The following CPT1A variants were observed in gnomAD, a reference collection of about 807,000 sequenced individuals.
The protein encoded by CPT1A is carnitine palmitoyltransferase 1A.
Under a neutral mutation model 100.8 loss-of-function variants are expected in CPT1A, and 64 were observed. The ratio of observed to expected loss-of-function variants is 0.63; its 90% CI spans 0.52 to 0.78. The LOEUF is 0.78. CPT1A is among the 30% of genes least tolerant of loss of function. The probability of loss-of-function intolerance (pLI) is 0.00; values close to 1 mark genes in which losing one functional copy is unlikely to be tolerated. For synonymous variants in CPT1A, 363 were observed against 396.0 expected, an observed-to-expected ratio of 0.92 and a Z score of 0.99; for missense variants, 802 against 1,034.1, an observed-to-expected ratio of 0.78 and a Z score of 3.08.
intron 9 of CPT1A, among the ~76,000 whole-genome samples, chr11:68,791,894 T>C (rs1487026374): frequency 6.6e-6 from 1 of 152,056 alleles, no homozygotes; most frequent in Non-Finnish European, 1.5e-5. Flanking sequence ...GAGAATCTGC[T>C]TAGGAAAGCC....
intron 12 of CPT1A, among the ~76,000 whole-genome samples, chr11:68,777,285 C>T (rs1320424445): frequency 6.6e-6 from 1 of 151,862 alleles, no homozygotes; most frequent in Non-Finnish European, 1.5e-5. Flanking sequence ...CAAAAATCAG[C>T]TGGGCGTGGT....
At chr11:68,838,304 A>G (rs1317689524) in intron 1 of CPT1A, among the ~76,000 whole-genome samples, 2 of 152,048 alleles carry the variant, frequency 1.3e-5, no homozygotes, top group African/African-American at 4.8e-5. Context: ...TGAGGCCGTC[A>G]AGATACCCAA....
chr11:68,827,425 G>T (rs375989452), intron 1 of CPT1A, among the ~76,000 whole-genome samples: 3 of 152,040 alleles, frequency 2.0e-5, no homozygotes, highest in African/African-American at 7.3e-5. Flanking sequence ...TAAGATAACC[G>T]CAAACACACA....
intron 7 of CPT1A, among the ~76,000 whole-genome samples, chr11:68,795,201 C>T (rs117888240): frequency 3.2e-4 from 49 of 152,212 alleles, no homozygotes; most frequent in Admixed American, 1.7e-3. Flanking sequence ...AAAAATTAGT[C>T]GGGGAGCAAT....
At chr11:68,801,389 G>C (rs1203042392) in intron 5 of CPT1A, among the ~76,000 whole-genome samples, 6 of 152,000 alleles carry the variant, frequency 3.9e-5, no homozygotes. Context: ...CAGTACTTTG[G>C]GAGGCCAAGG....
chr11:68,765,626 T>C (rs1854777086), intron 14 of CPT1A, among the ~76,000 whole-genome samples: 1 of 152,220 alleles, frequency 6.6e-6, no homozygotes, highest in Non-Finnish European at 1.5e-5. Context: ...AAATAACTGC[T>C]GCAGACTAGA....
chr11:68,833,602 C>T (rs1856935431), intron 1 of CPT1A, among the ~76,000 whole-genome samples: 1 of 152,138 alleles, frequency 6.6e-6, no homozygotes, highest in Non-Finnish European at 1.5e-5. Flanking sequence ...ACTAAAAATA[C>T]AAAACATTAG....
intron 14 of CPT1A, among the ~76,000 whole-genome samples, chr11:68,769,727 G>C (rs771299076): frequency 6.6e-6 from 1 of 152,168 alleles, no homozygotes; most frequent in Non-Finnish European, 1.5e-5. Flanking sequence ...TGAAGCCCCT[G>C]CCTGACCTCT....
At chr11:68,767,189 A>G (rs948322373) in intron 14 of CPT1A, among the ~76,000 whole-genome samples, 1 of 152,272 alleles carries the variant, frequency 6.6e-6, no homozygotes, top group African/African-American at 2.4e-5. Flanking sequence ...AACAAAAATG[A>G]AAACAAAAAC....
intron 7 of CPT1A, 40 bp downstream of exon 7, chr11:68,796,816 A>G (rs751327920): frequency 1.8e-5 from 29 of 1,601,086 alleles, no homozygotes; most frequent in Non-Finnish European, 2.5e-5. Context: ...CCGCCGCCCC[A>G]CCGTCCTCGT....
At chr11:68,805,257 C>A (rs963573531) in intron 4 of CPT1A, among the ~76,000 whole-genome samples, 2 of 152,076 alleles carry the variant, frequency 1.3e-5, no homozygotes, top group African/African-American at 4.8e-5. Context: ...TCGAGACCAC[C>A]TGGCCAACAT....
chr11:68,791,105 T>C (rs1354722757), intron 9 of CPT1A, among the ~76,000 whole-genome samples: 1 of 152,236 alleles, frequency 6.6e-6, no homozygotes, highest in Non-Finnish European at 1.5e-5. Flanking sequence ...ATTACAGGAA[T>C]GAGCCTTTGT....
Position 68,815,435 on chromosome 11 carries a change from C to T in CPT1A, c.40G>A (p.Val14Ile). 2 of 1,614,104 alleles carry T rather than the reference C, an allele frequency of 1.2e-6. No homozygotes were observed. Among genetic ancestry groups the T allele is most frequent in the Non-Finnish European group, 1.7e-6 (2 of 1,180,020 alleles). ...CGCAGGTCAATCCCGTCCGGAGTGA[C>T]CGTGAACTGAAAGGCCACAGCTTGG... The part of the protein sequence containing the change: ...AHQAVAFQFT[V>I]TPDGIDLRLS... The change falls in exon 2 of 19, where the codon GTC (valine) becomes ATC (isoleucine). Residue 14 changes from valine (V) to isoleucine (I), a missense_variant. By Grantham distance (29) the Val-to-Ile change is conservative (BLOSUM62 3). Transcript: ENST00000265641.
chr11:68,823,069 G>C (rs573332796), intron 1 of CPT1A, among the ~76,000 whole-genome samples: 2 of 152,064 alleles, frequency 1.3e-5, no homozygotes, highest in South Asian at 4.2e-4. Flanking sequence ...GGGCAACATG[G>C]CGAAACCCTG....
At chr11:68,792,886 AAAAAATGC>A (rs1324063173) in intron 9 of CPT1A, among the ~76,000 whole-genome samples, 1 of 152,116 alleles carries the variant, frequency 6.6e-6, no homozygotes, top group African/African-American at 2.4e-5. Context: ...TCATCTCTAT[AAAAAATGC>A]AAAAATTAGC....
chr11:68,773,278 A>C lies in CPT1A; in HGVS notation c.1727T>G (p.Leu576Arg), dbSNP rs1264863920. ...GTCAGTTCTTACCTTGTAGTGCGCC[A>C]GCTGGAGGGCCAGCTGCACAAAGGC... ...PDAFVQLALQ[L>R]AHYKDMGKFC... Residue 576 changes from leucine to arginine, a missense_variant, in exon 14 of 19, where the codon CTG becomes CGG. Leu to Arg is a moderately radical substitution (Grantham distance 102, BLOSUM62 -2). This residue lies in a region of CPT1A where 627 missense variants were observed against 799.3 expected (regional missense o/e 0.78). Transcript: ENST00000265641. 2 of 1,614,114 alleles carry C rather than the reference A, an allele frequency of 1.2e-6. No individual in the cohort carries two copies. The highest frequency in any genetic ancestry group is 1.7e-6 in the Non-Finnish European group (2 of 1,180,018).
chr11:68,770,504 A>T (rs1321493834), intron 14 of CPT1A, among the ~76,000 whole-genome samples: 2 of 152,210 alleles, frequency 1.3e-5, no homozygotes, highest in African/African-American at 4.8e-5. Context: ...TTGAAGCAGT[A>T]GCTAGCTATT....
Position 68,802,346 on chromosome 11 carries a change from G to GA in CPT1A, c.555+1653dup, listed in dbSNP as rs953800995. Among the ~76,000 whole-genome samples, 7 of 142,260 alleles carry GA rather than the reference G, an allele frequency of 4.9e-5. 1 individual carries two copies. In the South Asian group the frequency reaches 1.1e-3, roughly 22 times the overall value. 93.3% of individuals were successfully genotyped at this position (142,260 alleles called of 152,430 possible). ...CTCCCTCTCCTTTTGTTCAATTAAAGAAAAAAAAAGACCGAAGCAGGTAGA... is the reference window on the plus strand; with the variant it reads ...CTCCCTCTCCTTTTGTTCAATTAAAGAAAAAAAAAAGACCGAAGCAGGTAGA... On this transcript the variant is annotated intron_variant, in intron 5 of 18. Transcript: ENST00000265641.
chr11:68,785,795 T>C (rs911309266), intron 9 of CPT1A: 4 of 548,244 alleles, frequency 7.3e-6, no homozygotes, highest in African/African-American at 1.9e-5. Context: ...TTAGAAAATA[T>C]GCTGAGAAAC....
Sources: gnomAD v4.1 joint callset for allele counts (sites outside exome capture counted in the v4.1 genomes callset) on GRCh38, gnomAD v4.1.1 for gene constraint, gnomAD v4.1.1 regional missense constraint, MANE v1.5 for transcripts, NCBI Gene and HGNC (gene_info 2026-07-23, HGNC 2026-07-21) for gene names.